The following MICAL1 variants were observed in gnomAD, a reference collection of about 807,000 sequenced individuals.
The protein encoded by MICAL1 is microtubule associated monooxygenase, calponin and LIM domain containing 1, also known as [F-actin]-monooxygenase MICAL1.
MICAL1 carries 95 observed loss-of-function variants against 131.8 expected under a neutral mutation model. The ratio of observed to expected loss-of-function variants is 0.72; its 90% CI spans 0.61 to 0.86. MICAL1 has a LOEUF of 0.86. Among genes scored for constraint, MICAL1 ranks in the 40% least tolerant of loss-of-function variants. The pLI is 0.00. For missense variants in MICAL1, 1,292 were observed against 1,380.6 expected (o/e 0.94, Z 1.02); for synonymous variants, 546 against 554.2 (o/e 0.99, Z 0.21).
intron 7 of MICAL1, 24 bp from the exon 8 acceptor site, chr6:109,450,581 C>A: frequency 1.3e-6 from 2 of 1,583,456 alleles, no homozygotes; most frequent in Non-Finnish European, 1.7e-6. Context: ...AGAGCAGAAC[C>A]TCAGAGACCT....
chr6:109,448,470 G>C, intron 12 of MICAL1, 77 bp from the exon 13 acceptor site: 1 of 1,527,256 alleles, frequency 6.5e-7, no homozygotes, highest in South Asian at 1.1e-5. Context: ...CAGCAGGAGG[G>C]GAGGGACAGC....
At chr6:109,460,035 A>G (rs1319619688), upstream of MICAL1, among the ~76,000 whole-genome samples, 1 of 152,084 alleles carries the variant, frequency 6.6e-6, no homozygotes, top group Non-Finnish European at 1.5e-5. Flanking sequence ...CTCTATCCTG[A>G]CCCCTGCTCA....
In MICAL1 at chr6:109,445,865, G is replaced by A. The variant is rs2115324908; in HGVS notation, c.2582-3C>T. On this transcript the variant is annotated splice_region_variant and splice_polypyrimidine_tract_variant and intron_variant, in intron 19 of 24. Coordinates refer to ENST00000358807, the MANE Select transcript of MICAL1 (RefSeq NM_022765.4). ...CTCCTTCTCCATGGCCACAAGAGCTGAGAAGAAGAACTGAGACGTTCTACT... is the reference window on the plus strand; with the variant it reads ...CTCCTTCTCCATGGCCACAAGAGCTAAGAAGAAGAACTGAGACGTTCTACT... The A allele has an allele frequency of 6.3e-7, 1 of 1,598,388 alleles. No individual in the cohort carries two copies. Among genetic ancestry groups the A allele is most frequent in the Non-Finnish European group, 8.5e-7 (1 of 1,171,724 alleles).
At chr6:109,463,471 A>G (rs1267960860) in intron 1 of MICAL1, 1 of 152,228 alleles carries the variant, frequency 6.6e-6, no homozygotes, top group Non-Finnish European at 1.5e-5. Flanking sequence ...CACTAGCCAC[A>G]TGTGCTTATC....
intron 2 of MICAL1, 26 bp downstream of exon 2, chr6:109,453,913 C>A: frequency 1.2e-6 from 2 of 1,611,612 alleles, no homozygotes; most frequent in South Asian, 1.1e-5. Context: ...ATGCTCCACA[C>A]CCCATCCCAG....
intron 1 of MICAL1, chr6:109,465,416 AG>A (rs575769520): frequency 5.6e-6 from 3 of 538,626 alleles, no homozygotes; most frequent in Non-Finnish European, 9.8e-6. Flanking sequence ...GTGTTGCCTA[AG>A]AAAAATAAGA....
Position 109,454,183 on chromosome 6 carries a change from G to A in MICAL1, c.14C>T (p.Thr5Ile). The A allele has an allele frequency of 1.2e-6, 2 of 1,602,494 alleles. No individual in the cohort carries two copies. Among genetic ancestry groups the A allele is most frequent in the Non-Finnish European group, 1.7e-6 (2 of 1,174,710 alleles). Residue 5 changes from threonine (T) to isoleucine (I), a missense_variant, in exon 2 of 25, where the codon ACC (threonine) becomes ATC (isoleucine). By Grantham distance (89) the Thr-to-Ile change is moderately conservative. Coordinates refer to ENST00000358807, the MANE Select transcript of MICAL1 (RefSeq NM_022765.4). MASP[T>I]STNPAHAHFE... ...GTGGGCATGCGCTGGGTTGGTGGAGGTAGGTGAAGCCATGGAGGCCTCCTG... is the reference window on the plus strand; with the variant it reads ...GTGGGCATGCGCTGGGTTGGTGGAGATAGGTGAAGCCATGGAGGCCTCCTG...
At chr6:109,456,244 G>A (rs1344131494), upstream of MICAL1, among the ~76,000 whole-genome samples, 1 of 152,202 alleles carries the variant, frequency 6.6e-6, no homozygotes, top group East Asian at 1.9e-4. Flanking sequence ...TCCCAGCGCC[G>A]GGCCGAGAGG....
chr6:109,465,573 C>A, intron 1 of MICAL1: 1 of 1,390,084 alleles, frequency 7.2e-7, no homozygotes, highest in Non-Finnish European at 9.8e-7. Context: ...ATCAATGCCC[C>A]CAAAGAAAAA....
chr6:109,465,112 T>C (rs889876775), intron 1 of MICAL1: 1 of 152,436 alleles, frequency 6.6e-6, no homozygotes, highest in African/African-American at 2.4e-5. Context: ...AATTAAAATT[T>C]TGATAGCCTT....
At position 109,448,866 on chromosome 6, in the gene MICAL1, G is replaced by T; in HGVS notation, c.1530C>A (p.Thr510=). The T allele has an allele frequency of 1.2e-6, 2 of 1,613,564 alleles. No homozygotes were observed. Among genetic ancestry groups the T allele is most frequent in the Non-Finnish European group, 8.5e-7 (1 of 1,179,930 alleles). ...TGMPATGSAG[T]QEELLRWCQE... is the part of the protein sequence containing the mutation. ...GGCACCAGCGTAGCAGCTCCTCCTG[G>T]GTGCCTGCCGACCCTGGGAAAGAAG... The change falls in exon 12 of 25, where the codon ACC becomes ACA. Residue 510 remains threonine, a synonymous_variant. Coordinates refer to ENST00000358807, the MANE Select transcript of MICAL1 (RefSeq NM_022765.4).
rs1775408418 is a variant in MICAL1, at chr6:109,449,355, G to A, written c.1516+45C>T. 6 of 1,595,124 alleles carry A rather than the reference G, an allele frequency of 3.8e-6. No homozygotes were observed. The South Asian group carries it at 6.6e-5, about 18-fold the overall frequency. On this transcript the variant is annotated intron_variant, in intron 11 of 24. Transcript: ENST00000358807. ...TGCAGGGACCACCTGGGCCTCGCTG[G>A]GTAGTACATATTTTGGTCACCCCTT...
At chr6:109,449,873 C>A in intron 9 of MICAL1, 90 bp from the exon 10 acceptor site, 1 of 1,584,230 alleles carries the variant, frequency 6.3e-7, no homozygotes, top group Non-Finnish European at 8.6e-7. Flanking sequence ...TTTTCTTCTG[C>A]CTATTCCTCC....
At chr6:109,461,263 T>C (rs1288303278) in intron 1 of MICAL1, among the ~76,000 whole-genome samples, 1 of 152,208 alleles carries the variant, frequency 6.6e-6, no homozygotes, top group Non-Finnish European at 1.5e-5. Context: ...GTTTCATCCA[T>C]GTCCCTGCAA....
chr6:109,451,792 G>A (rs186400336), intron 6 of MICAL1, 92 bp from the exon 7 acceptor site: 1 of 1,552,500 alleles, frequency 6.4e-7, no homozygotes, highest in Non-Finnish European at 8.7e-7. Flanking sequence ...TCTGAGCTGG[G>A]ATCCCAGCTT....
chr6:109,444,229 G>T lies in MICAL1; in HGVS notation c.3166C>A (p.Leu1056Ile), dbSNP rs753025082. Reference sequence around the variant, plus strand: ...CCTGTCCCCAAGGCCAGCTCGCTGAGCCTGCGCTCCTCCTGGAAGCGGATG... The same window carrying T: ...CCTGTCCCCAAGGCCAGCTCGCTGATCCTGCGCTCCTCCTGGAAGCGGATG... ...ALIRFQEERR[L>I]SELALGTGAQ... Residue 1056 changes from leucine to isoleucine, a missense_variant, in exon 25 of 25, where the codon CTC (leucine) becomes ATC (isoleucine). Transcript: ENST00000358807. 3 of 1,613,638 alleles carry T rather than the reference G, an allele frequency of 1.9e-6. No homozygotes were observed. Among genetic ancestry groups the T allele is most frequent in the Non-Finnish European group, 2.5e-6 (3 of 1,180,020 alleles).
intron 6 of MICAL1, chr6:109,452,017 A>G: frequency 1.4e-6 from 2 of 1,407,662 alleles, no homozygotes; most frequent in Non-Finnish European, 1.8e-6. Flanking sequence ...CAAAACTCCC[A>G]TACACAGGTT....
intron 17 of MICAL1, 54 bp from the exon 18 acceptor site, chr6:109,446,826 G>C: frequency 6.7e-7 from 1 of 1,497,772 alleles, no homozygotes; most frequent in South Asian, 1.2e-5. Context: ...CCAGTGCCCA[G>C]ACACGCAACA....
At chr6:109,456,761 T>C (rs1037112294), upstream of MICAL1, among the ~76,000 whole-genome samples, 1 of 152,226 alleles carries the variant, frequency 6.6e-6, no homozygotes, top group African/African-American at 2.4e-5. Context: ...CGTCATCCTA[T>C]GAGTATTACC....
Sources: allele counts gnomAD v4.1 joint callset (sites outside exome capture counted in the v4.1 genomes callset), GRCh38; gene constraint gnomAD v4.1.1; transcripts MANE v1.5; gene names NCBI Gene and HGNC (gene_info 2026-07-23, HGNC 2026-07-21).